Variants in BDH1 observed in about 807,000 individuals in gnomAD.
BDH1 encodes the protein D-beta-hydroxybutyrate dehydrogenase, mitochondrial.
Under a neutral mutation model 33.1 loss-of-function variants are expected in BDH1, and 30 were observed. The observed-to-expected ratio is 0.91, with a 90% CI of 0.68 to 1.23. The LOEUF (loss-of-function observed/expected upper bound fraction) is 1.23. Among genes scored for constraint, BDH1 ranks in the 50% most tolerant of loss-of-function variants. BDH1 has a pLI of 0.00. For missense variants in BDH1, 443 were observed against 464.4 expected, an observed-to-expected ratio of 0.95 and a Z score of 0.42; for synonymous variants, 190 against 183.6, an observed-to-expected ratio of 1.03 and a Z score of -0.28.
chr3:197,567,747 T>G (rs924121011), intron 1 of BDH1, among the ~76,000 whole-genome samples: 3 of 152,066 alleles, frequency 2.0e-5, no homozygotes, highest in Admixed American at 2.0e-4. Flanking sequence ...CCTGAGATTT[T>G]GGGGGTTTAT....
intron 3 of BDH1, among the ~76,000 whole-genome samples, chr3:197,545,440 C>T (rs1456736076): frequency 3.3e-5 from 5 of 152,240 alleles, no homozygotes; most frequent in East Asian, 1.9e-4. Context: ...AGAAAAGCAC[C>T]GCTTCACTGC....
chr3:197,556,516 A>G (rs1717051268), upstream of BDH1, among the ~76,000 whole-genome samples: 1 of 151,452 alleles, frequency 6.6e-6, no homozygotes, highest in Non-Finnish European at 1.5e-5. Flanking sequence ...AAAAATACAA[A>G]AGTTAGCAGG....
At chr3:197,558,222 G>T (rs1427726007), upstream of BDH1, among the ~76,000 whole-genome samples, 2 of 152,156 alleles carry the variant, frequency 1.3e-5, no homozygotes, top group South Asian at 4.1e-4. Flanking sequence ...TGCCTCAGCT[G>T]CACCTGGTAT....
At position 197,511,539 on chromosome 3, in the gene BDH1, GA is replaced by G. The variant is rs3214596; in HGVS notation, c.*355del. 0.022 allele frequency: 6,395 copies of G among 288,166 alleles called. 106 individuals are homozygous for G. The highest frequency in any genetic ancestry group is 0.05 in the East Asian group (837 of 16,594). 17.9% of individuals were successfully genotyped at this position (288,166 alleles called of 1,614,324 possible). On this transcript the variant is annotated 3_prime_UTR_variant, in exon 8 of 8. Coordinates refer to ENST00000392379, the MANE Select transcript of BDH1 (RefSeq NM_203314.3). ...AGCTGCAAATGCTTCATTTACAAAA[GA>G]AAAAAACCTGTCCTTTTCATTCATG...
intron 1 of BDH1, among the ~76,000 whole-genome samples, chr3:197,561,230 G>A (rs752443759): frequency 1.2e-4 from 18 of 152,066 alleles, no homozygotes; most frequent in Admixed American, 2.6e-4. Flanking sequence ...CTAACCTTAC[G>A]GCTCAAACCA....
At chr3:197,536,524 T>C (rs950690895) in intron 3 of BDH1, among the ~76,000 whole-genome samples, 1 of 152,298 alleles carries the variant, frequency 6.6e-6, no homozygotes, top group Non-Finnish European at 1.5e-5. Flanking sequence ...CTTTCATCAG[T>C]GTTGTGTCGT....
At chr3:197,562,422 G>A (rs938763960) in intron 1 of BDH1, among the ~76,000 whole-genome samples, 3 of 152,210 alleles carry the variant, frequency 2.0e-5, no homozygotes, top group African/African-American at 4.8e-5. Flanking sequence ...CAAAGAGAAA[G>A]GACATTTGCT....
chr3:197,571,618 T>C (rs1717609781), intron 1 of BDH1, among the ~76,000 whole-genome samples: 4 of 152,238 alleles, frequency 2.6e-5, no homozygotes, highest in South Asian at 4.1e-4. Context: ...CCTGCCACCA[T>C]GTAAGATGTG....
At chr3:197,565,700 C>T (rs888797031) in intron 1 of BDH1, among the ~76,000 whole-genome samples, 4 of 152,020 alleles carry the variant, frequency 2.6e-5, no homozygotes, top group African/African-American at 9.7e-5. Context: ...GTTTCTTTGT[C>T]AGTTGTGTCT....
chr3:197,527,081 T>C (rs1714171168), intron 5 of BDH1, among the ~76,000 whole-genome samples: 1 of 152,254 alleles, frequency 6.6e-6, no homozygotes, highest in African/African-American at 2.4e-5. Context: ...CTAGCATATA[T>C]GTTCAGGTGG....
intron 6 of BDH1, among the ~76,000 whole-genome samples, chr3:197,519,671 T>A (rs1411545597): frequency 2.0e-5 from 3 of 151,652 alleles, no homozygotes; most frequent in African/African-American, 7.3e-5. Flanking sequence ...CTCAAAAAAA[T>A]TAATTAATTA....
chr3:197,552,158 T>G (rs1304935384), intron 2 of BDH1, among the ~76,000 whole-genome samples: 1 of 152,186 alleles, frequency 6.6e-6, no homozygotes, highest in Non-Finnish European at 1.5e-5. Flanking sequence ...CCTGCAGACC[T>G]GTTCCTCTAA....
intron 2 of BDH1, among the ~76,000 whole-genome samples, chr3:197,552,936 G>C (rs1716687597): frequency 6.6e-6 from 1 of 152,224 alleles, no homozygotes; most frequent in African/African-American, 2.4e-5. Context: ...TTGATTCATT[G>C]AGATGGAATC....
In BDH1 at chr3:197,511,564, T is replaced by A. The variant is rs2108692987; in HGVS notation, c.*331A>T. ...GAAAAAAACCTGTCCTTTTCATTCA[T>A]GAGACTGGCTTAAGGATCAAATGAG... is the stretch of plus-strand genomic sequence containing the variant. On this transcript the variant is annotated 3_prime_UTR_variant, in exon 8 of 8. Coordinates refer to ENST00000392379, the MANE Select transcript of BDH1 (RefSeq NM_203314.3). The A allele has an allele frequency of 3.0e-6, 1 of 335,576 alleles. No homozygotes were observed. The highest frequency in any genetic ancestry group is 4.7e-5 in the East Asian group (1 of 21,406). 20.8% of individuals were successfully genotyped at this position (335,576 alleles called of 1,614,324 possible).
intron 2 of BDH1, among the ~76,000 whole-genome samples, chr3:197,553,315 G>A (rs987344851): frequency 1.3e-5 from 2 of 150,472 alleles, no homozygotes; most frequent in African/African-American, 4.9e-5. Context: ...CAGATCACGA[G>A]GTCAAGAGAT....
intron 2 of BDH1, among the ~76,000 whole-genome samples, chr3:197,550,594 C>G (rs539582110): frequency 2.0e-5 from 3 of 152,208 alleles, no homozygotes; most frequent in Non-Finnish European, 4.4e-5. Context: ...TGAGAGAATG[C>G]GAACCATGCT....
intron 2 of BDH1, among the ~76,000 whole-genome samples, chr3:197,547,802 A>T (rs1279630103): frequency 2.0e-5 from 3 of 151,920 alleles, no homozygotes; most frequent in Non-Finnish European, 4.4e-5. Flanking sequence ...GACTCCAAGA[A>T]CTCCTTGCCC....
upstream of BDH1, among the ~76,000 whole-genome samples, chr3:197,556,564 A>G (rs1717055922): frequency 6.6e-6 from 1 of 152,216 alleles, no homozygotes; most frequent in Non-Finnish European, 1.5e-5. Context: ...GCTACTCGGG[A>G]GGCTGAGGCA....
intron 1 of BDH1, among the ~76,000 whole-genome samples, chr3:197,570,360 G>A (rs71325625): frequency 6.6e-6 from 1 of 152,234 alleles, no homozygotes; most frequent in Non-Finnish European, 1.5e-5. Context: ...CAAGCTGGCT[G>A]CAGAAATTTG....
Sources: gnomAD v4.1 joint callset for allele counts (sites outside exome capture counted in the v4.1 genomes callset) on GRCh38, gnomAD v4.1.1 for gene constraint, MANE v1.5 for transcripts, NCBI Gene and HGNC (gene_info 2026-07-23, HGNC 2026-07-21) for gene names.